SLC2A7: variants seen among roughly 807,000 people sequenced by gnomAD.
SLC2A7 encodes the protein solute carrier family 2, facilitated glucose transporter member 7.
Under a neutral mutation model 50.5 loss-of-function variants are expected in SLC2A7, and 50 were observed. The ratio of observed to expected loss-of-function variants is 0.99; its 90% CI spans 0.79 to 1.25. SLC2A7 has a LOEUF of 1.25. Ranked by LOEUF, SLC2A7 falls within the 50% of genes most tolerant of loss-of-function variation. The pLI, the probability that SLC2A7 is intolerant of heterozygous loss-of-function variation, is 0.00. For missense variants in SLC2A7, 683 were observed against 679.1 expected (o/e 1.01, Z -0.06); for synonymous variants, 308 against 300.4 (o/e 1.03, Z -0.26).
At chr1:9,020,456 G>A (rs1212074487) in intron 3 of SLC2A7, among the ~76,000 whole-genome samples, 1 of 152,058 alleles carries the variant, frequency 6.6e-6, no homozygotes, top group Non-Finnish European at 1.5e-5. Context: ...GAAAAACAGC[G>A]CTATGCCAGG....
At chr1:9,000,307 C>T (rs538835907), downstream of SLC2A7, among the ~76,000 whole-genome samples, 3 of 151,952 alleles carry the variant, frequency 2.0e-5, no homozygotes, top group South Asian at 2.1e-4. Flanking sequence ...GACAACAGAG[C>T]GAGACCCTGT....
chr1:9,009,954 G>T (rs576792395), intron 9 of SLC2A7, among the ~76,000 whole-genome samples, 189 bp downstream of exon 9: 1 of 152,254 alleles, frequency 6.6e-6, no homozygotes, highest in Non-Finnish European at 1.5e-5. Flanking sequence ...GCATGTGCAG[G>T]TGTAGGTAAA....
the SLC2A7 span, among the ~76,000 whole-genome samples, chr1:8,995,206 T>C: frequency 6.6e-6 from 1 of 151,450 alleles, no homozygotes; most frequent in Admixed American, 6.6e-5. Flanking sequence ...CCCAGCACTT[T>C]GGGAGGCCGT....
downstream of SLC2A7, among the ~76,000 whole-genome samples, chr1:9,001,193 A>G (rs564944080): frequency 6.6e-6 from 1 of 152,272 alleles, no homozygotes; most frequent in African/African-American, 2.4e-5. Context: ...GAGGTTCTTC[A>G]GGCTCATTCG....
At chr1:9,005,368 C>G (rs891813797) in intron 10 of SLC2A7, among the ~76,000 whole-genome samples, 11 of 152,176 alleles carry the variant, frequency 7.2e-5, no homozygotes, top group Non-Finnish European at 1.0e-4. Flanking sequence ...ATTATCGCTT[C>G]CTTAAGAAGC....
At chr1:9,004,726 G>C (rs750011639) in intron 11 of SLC2A7, 26 bp downstream of exon 11, 3 of 1,613,098 alleles carry the variant, frequency 1.9e-6, no homozygotes, top group Non-Finnish European at 2.5e-6. Context: ...CCGGTGGAGC[G>C]GGTTGGGGAA....
downstream of SLC2A7, among the ~76,000 whole-genome samples, chr1:9,001,004 ACCCACAG>A (rs1640566188): frequency 6.6e-6 from 1 of 152,114 alleles, no homozygotes; most frequent in South Asian, 2.1e-4. Flanking sequence ...TGAATTCCTG[ACCCACAG>A]GAACCAGGAG....
At chr1:9,005,973 T>C (rs887039282) in intron 10 of SLC2A7, among the ~76,000 whole-genome samples, 7 of 152,124 alleles carry the variant, frequency 4.6e-5, no homozygotes, top group Admixed American at 4.6e-4. Context: ...AGGGATGTCA[T>C]CTGTCCTGCC....
chr1:8,998,687 C>G (rs1018880323), downstream of SLC2A7, among the ~76,000 whole-genome samples: 1 of 152,134 alleles, frequency 6.6e-6, no homozygotes, highest in Non-Finnish European at 1.5e-5. Flanking sequence ...CTCCCCACCC[C>G]CTGCCAAAAA....
At chr1:9,020,148 G>A (rs1360756286) in intron 3 of SLC2A7, among the ~76,000 whole-genome samples, 1 of 152,142 alleles carries the variant, frequency 6.6e-6, no homozygotes, top group Non-Finnish European at 1.5e-5. Context: ...GACGTCCCAG[G>A]AAGGAAGACT....
Position 9,018,361 on chromosome 1 carries a change from C to CA in SLC2A7, c.450_451insT (p.Ala151CysfsTer83), listed in dbSNP as rs775023366. On this transcript the variant is annotated frameshift_variant, in exon 5 of 12. Transcript: ENST00000400906. LOFTEE classifies it high-confidence loss of function. ...AGTTCTCCCAGGTACATGGGAAGGGCGCTGTAGGAGATGCCTGGTTTGGGC... is the reference window on the plus strand; with the variant it reads ...AGTTCTCCCAGGTACATGGGAAGGGCAGCTGTAGGAGATGCCTGGTTTGGGC... 3.8e-4 allele frequency: 620 copies of CA among 1,614,148 alleles called. 14 individuals carry two copies. In the Admixed American group the frequency reaches 0.01, roughly 26 times the overall value.
chr1:9,019,335 T>C lies in SLC2A7; in HGVS notation c.312-2A>G, dbSNP rs566691292. 1,096 of 1,613,866 alleles carry C rather than the reference T, an allele frequency of 6.8e-4. 20 individuals are homozygous for C. The South Asian group carries it at 0.011, about 17-fold the overall frequency. On this transcript the variant is annotated splice_acceptor_variant, in intron 3 of 11. Transcript: ENST00000400906. LOFTEE classifies it high-confidence loss of function. The stretch of plus-strand genomic sequence containing the variant: ...TTGTTGATCAGCAGGGTCCCCTTTC[T>C]GCAAAGACAGTGAGCCCAGAGGGCA...
Position 9,018,241 on chromosome 1 carries a change from T to C in SLC2A7, c.571A>G (p.Ile191Val). Residue 191 changes from isoleucine (I) to valine (V), a missense_variant, in exon 5 of 12, where the codon ATC (isoleucine) becomes GTC (valine). Ile to Val is a conservative substitution (Grantham distance 29). Transcript: ENST00000400906. ...CGGTTACCTGCCGGGTTGCCCAAGA[T>C]GGCCTGGAGGCTGAAGATCTGTGCT... Reference protein sequence around the residue: ...FLAQIFSLQAILGNPAGWPVL... With the variant: ...FLAQIFSLQAVLGNPAGWPVL... 6.2e-7 allele frequency: 1 copy of C among 1,614,112 alleles called. No individual in the cohort carries two copies. The highest frequency in any genetic ancestry group is 8.5e-7 in the Non-Finnish European group (1 of 1,180,014).
At chr1:9,020,188 G>A (rs1228357523) in intron 3 of SLC2A7, among the ~76,000 whole-genome samples, 2 of 152,138 alleles carry the variant, frequency 1.3e-5, no homozygotes, top group African/African-American at 4.8e-5. Flanking sequence ...AGCTGGGGAG[G>A]GGAGCATTCT....
rs1640602917 is a variant in SLC2A7 at position 9,003,340 on chromosome 1, C to T, written c.1499G>A (p.Gly500Glu). The change falls in exon 12 of 12, where the codon GGG becomes GAG. Residue 500 changes from glycine (G) to glutamate (E), a missense_variant. Coordinates refer to ENST00000400906, the MANE Select transcript of SLC2A7 (RefSeq NM_207420.3). ...PEEKEETIDA[G>E]PPTASPAKET... ...CTTGGCAGGAGAGGCTGTGGGAGGC[C>T]CAGCATCAATGGTTTCTTCTTTCTC... 6.2e-7 allele frequency: 1 copy of T among 1,614,202 alleles called. No individual in the cohort carries two copies. The highest frequency in any genetic ancestry group is 2.2e-5 in the East Asian group (1 of 44,892).
At chr1:8,996,096 TATTTAA>T in the SLC2A7 span, among the ~76,000 whole-genome samples, 2 of 135,574 alleles carry the variant, frequency 1.5e-5, no homozygotes, top group African/African-American at 7.8e-5. Flanking sequence ...TTTTTTCTCT[TATTTAA>T]ACTGTACATG....
At chr1:9,019,858 A>G (rs543319471) in intron 3 of SLC2A7, among the ~76,000 whole-genome samples, 2 of 152,296 alleles carry the variant, frequency 1.3e-5, no homozygotes, top group East Asian at 3.9e-4. Context: ...CGGGAGGCAG[A>G]GGTTGCAGTG....
rs1433291613 is a variant in SLC2A7, at chr1:9,018,151, G to A, written c.589+72C>T. 8.2e-6 allele frequency: 13 copies of A among 1,592,376 alleles called. No individual in the cohort carries two copies. In the East Asian group the frequency reaches 9.0e-5, roughly 11 times the overall value. ...TCATCTCTCGGGTCTCATCTGACTC[G>A]ATCCGTCAGTAACACCTGGCACAGC... On this transcript the variant is annotated intron_variant, in intron 5 of 11. Coordinates refer to ENST00000400906, the MANE Select transcript of SLC2A7 (RefSeq NM_207420.3).
intron 5 of SLC2A7, among the ~76,000 whole-genome samples, chr1:9,017,724 C>T (rs1640851029): frequency 6.6e-6 from 1 of 152,132 alleles, no homozygotes; most frequent in Non-Finnish European, 1.5e-5. Flanking sequence ...CTTCAGAGGG[C>T]CACACTCCTC....
Sources: allele counts gnomAD v4.1 joint callset (sites outside exome capture counted in the v4.1 genomes callset), GRCh38; gene constraint gnomAD v4.1.1; transcripts MANE v1.5; gene names NCBI Gene and HGNC (gene_info 2026-07-23, HGNC 2026-07-21).